Variants in ATP8B4 observed in about 807,000 individuals in gnomAD.
ATP8B4 encodes the protein ATPase phospholipid transporting 8B4 (putative).
A neutral mutation model predicts 145.6 loss-of-function variants in ATP8B4; 133 were observed. The observed-to-expected ratio is 0.91, with a 90% CI of 0.79 to 1.05. ATP8B4 has a LOEUF of 1.05. ATP8B4 is among the 50% of genes least tolerant of loss of function. The pLI is 0.00. For missense variants in ATP8B4, 1,458 were observed against 1,425.2 expected (o/e 1.02, Z -0.37); for synonymous variants, 507 against 492.9 (o/e 1.03, Z -0.38).
In ATP8B4 at chr15:50,010,853, A is replaced by G; in HGVS notation, c.427T>C (p.Phe143Leu). The change falls in exon 7 of 28, where the codon TTT becomes CTT. Residue 143 changes from phenylalanine to leucine, a missense_variant. Physicochemically the swap from Phe to Leu is conservative, Grantham distance 22. Coordinates refer to ENST00000284509, the MANE Select transcript of ATP8B4 (RefSeq NM_024837.4). ...CAATATTGAATACTTACAGCAACAA[A>G]TTGGTTATTTTCTAATTTAATGATG... Reference protein sequence around the residue: ...GDIIKLENNQFVAADLLLLSS... With the variant: ...GDIIKLENNQLVAADLLLLSS... 1 of 1,556,490 alleles carries G rather than the reference A, an allele frequency of 6.4e-7. No individual in the cohort carries two copies. Among genetic ancestry groups the G allele is most frequent in the Non-Finnish European group, 8.7e-7 (1 of 1,148,358 alleles).
intron 5 of ATP8B4, among the ~76,000 whole-genome samples, chr15:50,039,515 G>A (rs1291110728): frequency 1.3e-5 from 2 of 152,116 alleles, no homozygotes; most frequent in East Asian, 3.8e-4. Context: ...ATTCAGGTAA[G>A]TCTTCCTATG....
intron 6 of ATP8B4, among the ~76,000 whole-genome samples, chr15:50,028,455 G>T (rs1043198059): frequency 2.6e-5 from 4 of 152,044 alleles, no homozygotes; most frequent in African/African-American, 9.7e-5. Flanking sequence ...ACCTACCAAG[G>T]TTTTCTACCA....
intron 3 of ATP8B4, among the ~76,000 whole-genome samples, chr15:50,069,353 T>C (rs1025527121): frequency 2.0e-5 from 3 of 152,244 alleles, no homozygotes; most frequent in African/African-American, 7.2e-5. Context: ...TGCGATGTCC[T>C]ATAATGTGAT....
chr15:49,946,969 C>G (rs2042618538), intron 14 of ATP8B4, among the ~76,000 whole-genome samples: 1 of 152,188 alleles, frequency 6.6e-6, no homozygotes, highest in South Asian at 2.1e-4. Context: ...GACAACTAAG[C>G]ATTAGGTCAC....
At chr15:49,893,576 A>G (rs2037059962) in intron 23 of ATP8B4, among the ~76,000 whole-genome samples, 1 of 152,360 alleles carries the variant, frequency 6.6e-6, no homozygotes, top group Admixed American at 6.5e-5. Context: ...ATATGATTCC[A>G]TTTATATGAG....
intron 11 of ATP8B4, 27 bp downstream of exon 11, chr15:49,981,179 G>C: frequency 6.8e-7 from 1 of 1,472,094 alleles, no homozygotes; most frequent in Admixed American, 1.7e-5. Context: ...ACAATGACTA[G>C]TGATATTGCC....
chr15:50,000,664 C>A (rs1316631508), intron 8 of ATP8B4, among the ~76,000 whole-genome samples: 1 of 152,052 alleles, frequency 6.6e-6, no homozygotes, highest in Non-Finnish European at 1.5e-5. Flanking sequence ...ATCTTTAAGT[C>A]CTCCTAACAG....
chr15:50,049,489 T>A (rs569578916), intron 3 of ATP8B4, among the ~76,000 whole-genome samples: 19 of 152,362 alleles, frequency 1.2e-4, no homozygotes, highest in African/African-American at 4.6e-4. Context: ...TCATTCTTTT[T>A]TTATGCCTGT....
intron 20 of ATP8B4, among the ~76,000 whole-genome samples, chr15:49,904,392 A>T (rs1366600359): frequency 6.6e-6 from 1 of 152,188 alleles, no homozygotes; most frequent in Non-Finnish European, 1.5e-5. Flanking sequence ...CCAGCCAGTC[A>T]GTTTGGCTAG....
At chr15:50,021,214 A>G (rs138374019) in intron 6 of ATP8B4, among the ~76,000 whole-genome samples, 104 of 152,306 alleles carry the variant, frequency 6.8e-4, no homozygotes, top group African/African-American at 2.4e-3. Flanking sequence ...ACTCATGTCC[A>G]TGGCATCATC....
chr15:49,908,393 A>G (rs2038856678), intron 20 of ATP8B4, among the ~76,000 whole-genome samples: 1 of 152,204 alleles, frequency 6.6e-6, no homozygotes, highest in East Asian at 1.9e-4. Flanking sequence ...AAGTGACAGG[A>G]AACACCTAAA....
chr15:50,153,055 A>T (rs2044366545), intron 1 of ATP8B4, among the ~76,000 whole-genome samples: 1 of 152,208 alleles, frequency 6.6e-6, no homozygotes, highest in Admixed American at 6.5e-5. Context: ...TTATAAAGGA[A>T]TGTAAATAAG....
At chr15:49,889,021 T>C (rs1167901503) in intron 23 of ATP8B4, among the ~76,000 whole-genome samples, 1 of 152,038 alleles carries the variant, frequency 6.6e-6, no homozygotes, top group South Asian at 2.1e-4. Context: ...CACATAGTCA[T>C]ATTGAACTGA....
intron 14 of ATP8B4, among the ~76,000 whole-genome samples, chr15:49,941,295 G>A (rs1389345247): frequency 6.6e-6 from 1 of 152,128 alleles, no homozygotes; most frequent in Admixed American, 6.5e-5. Context: ...TTTGATCCCA[G>A]AGACAAAGAA....
intron 1 of ATP8B4, among the ~76,000 whole-genome samples, chr15:50,163,564 T>C (rs1225007326): frequency 6.6e-6 from 1 of 152,156 alleles, no homozygotes; most frequent in African/African-American, 2.4e-5. Flanking sequence ...CCACAGAGAC[T>C]GAACTGGGTT....
At chr15:50,106,548 AT>A (rs1243742230) in intron 2 of ATP8B4, among the ~76,000 whole-genome samples, 7 of 152,242 alleles carry the variant, frequency 4.6e-5, no homozygotes, top group African/African-American at 1.7e-4. Flanking sequence ...AGAACAAACT[AT>A]TAATACATGC....
chr15:50,090,722 A>C (rs1178345779), intron 2 of ATP8B4, among the ~76,000 whole-genome samples: 3 of 152,208 alleles, frequency 2.0e-5, no homozygotes, highest in Non-Finnish European at 4.4e-5. Context: ...TACTACAGTG[A>C]AACAAGATCA....
chr15:50,032,030 T>G (rs1240427382), intron 6 of ATP8B4, among the ~76,000 whole-genome samples: 1 of 152,258 alleles, frequency 6.6e-6, no homozygotes, highest in Non-Finnish European at 1.5e-5. Flanking sequence ...CAAATATTTA[T>G]TCTTTAAAAT....
intron 4 of ATP8B4, 97 bp from the exon 5 acceptor site, chr15:50,044,789 A>G: frequency 2.7e-6 from 2 of 732,768 alleles, no homozygotes; most frequent in Non-Finnish European, 4.4e-6. Context: ...GGTTATATTG[A>G]CTTATTTGTA....
Sources: gnomAD v4.1 joint callset for allele counts (sites outside exome capture counted in the v4.1 genomes callset) on GRCh38, gnomAD v4.1.1 for gene constraint, MANE v1.5 for transcripts, NCBI Gene and HGNC (gene_info 2026-07-23, HGNC 2026-07-21) for gene names.